Variants in NTRK2 observed in about 807,000 individuals in gnomAD.
NTRK2 encodes BDNF/NT-3 growth factors receptor.
A neutral mutation model predicts 94.5 loss-of-function variants in NTRK2; 13 were observed. The ratio of observed to expected loss-of-function variants is 0.14; its 90% CI spans 0.09 to 0.22. The LOEUF (loss-of-function observed/expected upper bound fraction) is 0.22, where lower values mean the gene tolerates loss of function less well. Ranked by LOEUF, NTRK2 falls within the 10% of genes least tolerant of loss-of-function variation. NTRK2 has a pLI of 1.00. For missense variants in NTRK2, 639 were observed against 1,071.2 expected (o/e 0.60, Z 5.63); for synonymous variants, 372 against 407.4 (o/e 0.91, Z 1.05).
chr9:84,973,114 TAAGGA>T (rs1826379091), intron 17 of NTRK2, among the ~76,000 whole-genome samples: 1 of 152,220 alleles, frequency 6.6e-6, no homozygotes, highest in Admixed American at 6.5e-5. Flanking sequence ...TTAAATAGCT[TAAGGA>T]CCATGGCCAA....
intron 14 of NTRK2, among the ~76,000 whole-genome samples, chr9:84,888,982 ATT>A (rs71369159): frequency 0.042 from 4,281 of 101,570 alleles, 1,104 homozygotes; most frequent in African/African-American, 0.11. Context: ...AATGACAGAA[ATT>A]TTTTTTTTTT....
chr9:84,872,833 A>G, intron 14 of NTRK2: 2 of 1,064,818 alleles, frequency 1.9e-6, no homozygotes, highest in Non-Finnish European at 2.3e-6. Context: ...GACATTATAA[A>G]GGGAGGGAGT....
chr9:84,852,759 G>A (rs1384839032), intron 12 of NTRK2, among the ~76,000 whole-genome samples: 2 of 152,178 alleles, frequency 1.3e-5, no homozygotes, highest in Admixed American at 1.3e-4. Flanking sequence ...AGAAATAGTT[G>A]GCAAGTTTCT....
chr9:84,839,793 G>A lies in NTRK2; in HGVS notation c.1397-21247G>A, dbSNP rs114160624. Among the ~76,000 whole-genome samples the A allele has an allele frequency of 3.1e-3, 479 of 152,312 alleles. 1 individual carries two copies. The highest frequency in any genetic ancestry group is 0.011 in the African/African-American group (445 of 41,562). On this transcript the variant is annotated intron_variant, in intron 12 of 18. Transcript: ENST00000277120. ...TCCCTAATCCCTGCAAACAGGCAGC[G>A]TGTGAGGAGTCTGCCAGCACATCAA...
At position 84,912,611 on chromosome 9, in the gene NTRK2, C is replaced by CTTTT. The variant is rs1212242779; in HGVS notation, c.1634-21531_1634-21528dup. Among the ~76,000 whole-genome samples the CTTTT allele has an allele frequency of 1.8e-3, 173 of 95,288 alleles. 2 individuals carry two copies. Among genetic ancestry groups the CTTTT allele is most frequent in the Non-Finnish European group, 2.3e-3 (117 of 49,998 alleles). The allele number at this position is 95,288 out of a possible 152,430, so 62.5% of individuals were successfully genotyped here. ...TTCCATCTTTCTATTTTTGACTTGC[C>CTTTT]TTTTTTTTTTTTTTTTTTTTTTTAT... On this transcript the variant is annotated intron_variant, in intron 14 of 18. Coordinates refer to ENST00000277120, the MANE Select transcript of NTRK2 (RefSeq NM_006180.6).
At chr9:84,822,154 G>A (rs2072889757) in intron 12 of NTRK2, among the ~76,000 whole-genome samples, 1 of 152,136 alleles carries the variant, frequency 6.6e-6, no homozygotes. Flanking sequence ...TTCTAGTGGT[G>A]TGAATAGGCT....
chr9:84,687,814 G>A (rs762077793), intron 2 of NTRK2, among the ~76,000 whole-genome samples: 2 of 151,892 alleles, frequency 1.3e-5, no homozygotes, highest in South Asian at 2.1e-4. Flanking sequence ...ACAAGACTTA[G>A]GCCAGCTCCT....
chr9:84,771,219 T>A (rs2066513318), intron 12 of NTRK2, among the ~76,000 whole-genome samples: 4 of 151,808 alleles, frequency 2.6e-5, no homozygotes, highest in Admixed American at 2.6e-4. Flanking sequence ...GCATTAGCAA[T>A]GAGATTTGAG....
intron 12 of NTRK2, among the ~76,000 whole-genome samples, chr9:84,805,807 G>C (rs527902317): frequency 4.6e-5 from 7 of 152,294 alleles, no homozygotes; most frequent in African/African-American, 1.4e-4. Context: ...GAGTGGGACT[G>C]GTGGCTTTAT....
intron 10 of NTRK2, among the ~76,000 whole-genome samples, chr9:84,744,343 A>T (rs1055415511): frequency 1.3e-5 from 2 of 151,982 alleles, no homozygotes; most frequent in African/African-American, 4.8e-5. Context: ...TCATTCTGAA[A>T]CTGAAATATT....
chr9:84,674,912 G>A (rs1422708829), intron 2 of NTRK2, among the ~76,000 whole-genome samples: 3 of 152,126 alleles, frequency 2.0e-5, no homozygotes, highest in Admixed American at 6.5e-5. Flanking sequence ...ATTTATACAG[G>A]AAAATGGGTT....
intron 17 of NTRK2, among the ~76,000 whole-genome samples, chr9:84,962,027 C>G (rs897704736): frequency 2.0e-5 from 3 of 152,176 alleles, no homozygotes; most frequent in Admixed American, 6.5e-5. Context: ...AAAATACGCT[C>G]TTGAGGCTAT....
At chr9:84,925,937 C>CATGTAG (rs2077749243) in intron 14 of NTRK2, among the ~76,000 whole-genome samples, 2 of 151,700 alleles carry the variant, frequency 1.3e-5, no homozygotes, top group South Asian at 4.2e-4. Context: ...CTGGGGCAGA[C>CATGTAG]CTAAGATGCC....
At chr9:84,987,196 G>A (rs1048287812) in intron 17 of NTRK2, among the ~76,000 whole-genome samples, 1 of 152,178 alleles carries the variant, frequency 6.6e-6, no homozygotes, top group Non-Finnish European at 1.5e-5. Flanking sequence ...CATTCTTGAA[G>A]TTTTATGTTA....
chr9:84,923,142 A>G (rs1311444475), intron 14 of NTRK2, among the ~76,000 whole-genome samples: 2 of 152,116 alleles, frequency 1.3e-5, no homozygotes, highest in Non-Finnish European at 2.9e-5. Flanking sequence ...AGCTGAGGAG[A>G]GCAGCCTGGG....
chr9:84,808,649 G>A (rs1166834188), intron 12 of NTRK2, among the ~76,000 whole-genome samples: 1 of 152,238 alleles, frequency 6.6e-6, no homozygotes, highest in Admixed American at 6.5e-5. Context: ...CTTTTAGAAG[G>A]AGACTGGAGA....
chr9:84,904,456 C>T lies in NTRK2; in HGVS notation c.1634-29706C>T, dbSNP rs372407000. Among the ~76,000 whole-genome samples, 5 of 152,340 alleles carry T rather than the reference C, an allele frequency of 3.3e-5. 1 individual carries two copies. Among genetic ancestry groups the T allele is most frequent in the African/African-American group, 1.2e-4 (5 of 41,576 alleles). ...GGATTTCTCTACCATCATACACCAA[C>T]ATAATATTTTATCTTCTTATAACAA... is the stretch of plus-strand genomic sequence containing the variant. On this transcript the variant is annotated intron_variant, in intron 14 of 18. Coordinates refer to ENST00000277120, the MANE Select transcript of NTRK2 (RefSeq NM_006180.6).
At chr9:85,003,021 G>A (rs1017177000) in intron 17 of NTRK2, among the ~76,000 whole-genome samples, 2 of 152,178 alleles carry the variant, frequency 1.3e-5, no homozygotes, top group Admixed American at 6.5e-5. Flanking sequence ...AATCAGCCCC[G>A]AGAGAGCCTA....
intron 12 of NTRK2, among the ~76,000 whole-genome samples, chr9:84,847,376 G>T (rs187370411): frequency 9.2e-5 from 14 of 152,168 alleles, no homozygotes; most frequent in Admixed American, 9.2e-4. Context: ...GAACAATAGT[G>T]GAGATTTATT....
Sources: allele counts gnomAD v4.1 joint callset (sites outside exome capture counted in the v4.1 genomes callset), GRCh38; gene constraint gnomAD v4.1.1; transcripts MANE v1.5; gene names NCBI Gene and HGNC (gene_info 2026-07-23, HGNC 2026-07-21).